The following DIP2A variants were observed in gnomAD, a reference collection of about 807,000 sequenced individuals.
The protein encoded by DIP2A is disco-interacting protein 2 homolog A.
DIP2A carries 85 observed loss-of-function variants against 177.4 expected under a neutral mutation model. The ratio of observed to expected loss-of-function variants is 0.48; its 90% CI spans 0.40 to 0.57. DIP2A has a LOEUF of 0.57. Among genes scored for constraint, DIP2A ranks in the 20% least tolerant of loss-of-function variants. The pLI, the probability that DIP2A is intolerant of heterozygous loss-of-function variation, is 0.00. For synonymous variants in DIP2A, 886 were observed against 881.8 expected, an observed-to-expected ratio of 1.00 and a Z score of -0.08; for missense variants, 1,791 against 2,100.2, an observed-to-expected ratio of 0.85 and a Z score of 2.88.
At chr21:46,502,302 AT>A (rs61344657) in intron 5 of DIP2A, among the ~76,000 whole-genome samples, 72,084 of 149,362 alleles carry the variant, frequency 0.48, 18,082 homozygotes, top group African/African-American at 0.64. Context: ...TGCCCAGCTA[AT>A]TTTTTTTTTT....
intron 5 of DIP2A, among the ~76,000 whole-genome samples, chr21:46,501,213 G>A (rs963399995): frequency 2.0e-5 from 3 of 152,128 alleles, no homozygotes; most frequent in African/African-American, 7.2e-5. Flanking sequence ...TAAAAAATTC[G>A]AGGTAGAACA....
chr21:46,568,924 C>G lies in DIP2A; in HGVS notation c.*1302C>G, dbSNP rs917153272. On this transcript the variant is annotated 3_prime_UTR_variant, in exon 38 of 38. Coordinates refer to ENST00000417564, the MANE Select transcript of DIP2A (RefSeq NM_015151.4). ...GCTTTTTGCATTTTGAGTTGTGTGC[C>G]TATAAAATTTGGCCAAACCATTTTA... is the stretch of plus-strand genomic sequence containing the variant. 1.3e-5 allele frequency: 2 copies of G among 152,096 alleles called. No individual in the cohort carries two copies. Among genetic ancestry groups the G allele is most frequent in the African/African-American group, 4.8e-5 (2 of 41,424 alleles). 9.4% of individuals were successfully genotyped at this position (152,096 alleles called of 1,614,324 possible).
At position 46,557,481 on chromosome 21, in the gene DIP2A, GC is replaced by G. The variant is rs1319810022; in HGVS notation, c.3630-100del. On this transcript the variant is annotated intron_variant, in intron 30 of 37. Coordinates refer to ENST00000417564, the MANE Select transcript of DIP2A (RefSeq NM_015151.4). This position sits in a 1 kb window ranked among gnomAD's most constrained non-coding sequence, Gnocchi z 6.0. ...CACTTGGCGTCAGAACAGAAATCAT[GC>G]CCCTGTTGTGGCTGGAAAAGAAGTG... The G allele has an allele frequency of 7.4e-7, 1 of 1,347,176 alleles. No homozygotes were observed. The highest frequency in any genetic ancestry group is 1.0e-6 in the Non-Finnish European group (1 of 1,000,680). The allele number at this position is 1,347,176 out of a possible 1,614,324, so 83.5% of individuals were successfully genotyped here. A position where few individuals can be genotyped will look rare whatever the true frequency, so the allele number is the denominator to read the frequency against.
intron 15 of DIP2A, among the ~76,000 whole-genome samples, chr21:46,538,236 G>A (rs1035534082): frequency 6.6e-6 from 1 of 152,164 alleles, no homozygotes; most frequent in African/African-American, 2.4e-5. Context: ...AAAAATTAAT[G>A]TTGGAAATGG....
rs374278601 is a variant in DIP2A at position 46,557,782 on chromosome 21, G to A, written c.3798+29G>A. ...AGTGCCCAGACCCGGGCTTCTGAGTGTGCTGCAGACCACAGCCCTGGGAAG... is the reference window on the plus strand; with the variant it reads ...AGTGCCCAGACCCGGGCTTCTGAGTATGCTGCAGACCACAGCCCTGGGAAG... On this transcript the variant is annotated intron_variant, in intron 31 of 37. Transcript: ENST00000417564. The surrounding 1 kb of genome is among the most constrained non-coding windows in gnomAD (Gnocchi z 6.0). 95 of 1,593,430 alleles carry A rather than the reference G, an allele frequency of 6.0e-5. No homozygotes were observed. Among genetic ancestry groups the A allele is most frequent in the East Asian group, 5.0e-4 (22 of 44,218 alleles).
intron 1 of DIP2A, among the ~76,000 whole-genome samples, chr21:46,469,498 G>C (rs112408869): frequency 1.3e-5 from 2 of 152,344 alleles, no homozygotes; most frequent in African/African-American, 4.8e-5. Flanking sequence ...AAGCTGGAGA[G>C]GCCTCACTGG....
At chr21:46,476,478 A>C (rs1404375549) in intron 1 of DIP2A, among the ~76,000 whole-genome samples, 1 of 152,124 alleles carries the variant, frequency 6.6e-6, no homozygotes, top group Non-Finnish European at 1.5e-5. Context: ...GCCCAGAAGC[A>C]CAGATAGAGA....
At chr21:46,505,622 A>G (rs1412390494) in intron 6 of DIP2A, among the ~76,000 whole-genome samples, 1 of 152,058 alleles carries the variant, frequency 6.6e-6, no homozygotes, top group Non-Finnish European at 1.5e-5. Context: ...AAGTTTTAAG[A>G]CATTTGTACA....
rs1189118077 is a variant in DIP2A at position 46,550,676 on chromosome 21, C to T, written c.2771C>T (p.Pro924Leu). 1.4e-5 allele frequency: 23 copies of T among 1,614,028 alleles called. No homozygotes were observed. The highest frequency in any genetic ancestry group is 4.5e-5 in the East Asian group (2 of 44,888). ...CGCTTTCTGGAAGGGACGCTGCACC[C>T]GTGTAATGTGCTGATGTGCCCTCAC... ...KQRFLEGTLHPCNVLMCPHTC... is the reference protein window; with the variant it reads ...KQRFLEGTLHLCNVLMCPHTC... Residue 924 changes from proline (P) to leucine (L), a missense_variant, in exon 23 of 38, where the codon CCG becomes CTG. Physicochemically the swap from Pro to Leu is moderately conservative, Grantham distance 98 (BLOSUM62 -3). Transcript: ENST00000417564.
At chr21:46,511,677 C>T in intron 8 of DIP2A, 63 bp downstream of exon 8, 1 of 1,400,738 alleles carries the variant, frequency 7.1e-7, no homozygotes, top group South Asian at 1.5e-5. Flanking sequence ...ACACATAACA[C>T]AGCATAGACA....
At chr21:46,505,664 T>G (rs572732528) in intron 6 of DIP2A, among the ~76,000 whole-genome samples, 2 of 152,328 alleles carry the variant, frequency 1.3e-5, no homozygotes, top group South Asian at 4.1e-4. Flanking sequence ...ATCAAGATAG[T>G]GACCATATCC....
At chr21:46,547,178 A>G in intron 21 of DIP2A, 136 bp downstream of exon 21, 1 of 1,438,280 alleles carries the variant, frequency 7.0e-7, no homozygotes, top group Non-Finnish European at 9.1e-7. Flanking sequence ...GAAAACTCCT[A>G]AAGTAAAAGG....
chr21:46,486,657 A>C (rs1429479842), intron 2 of DIP2A, among the ~76,000 whole-genome samples: 1 of 152,246 alleles, frequency 6.6e-6, no homozygotes, highest in Non-Finnish European at 1.5e-5. Flanking sequence ...TAATCAGAGC[A>C]ATGCACATTG....
rs780615603 is a variant in DIP2A, at chr21:46,554,229, G to A, written c.3091G>A (p.Ala1031Thr). Residue 1031 changes from alanine to threonine, a missense_variant, in exon 26 of 38, where the codon GCG (alanine) becomes ACG (threonine). Coordinates refer to ENST00000417564, the MANE Select transcript of DIP2A (RefSeq NM_015151.4). ...QLHKRAERVA[A>T]ALMEKGRLSV... Reference sequence around the variant, plus strand: ...GCACAAAAGGGCTGAGAGAGTGGCCGCGGCTCTGATGGAGAAGGGAAGACT... The same window carrying A: ...GCACAAAAGGGCTGAGAGAGTGGCCACGGCTCTGATGGAGAAGGGAAGACT... 11 of 1,613,838 alleles carry A rather than the reference G, an allele frequency of 6.8e-6. No individual in the cohort carries two copies. The highest frequency in any genetic ancestry group is 6.7e-5 in the Admixed American group (4 of 60,004).
At chr21:46,495,247 TCTCTC>T (rs2057281755) in intron 3 of DIP2A, among the ~76,000 whole-genome samples, 1 of 93,998 alleles carries the variant, frequency 1.1e-5, no homozygotes. Flanking sequence ...CTCTTCTTTC[TCTCTC>T]TCTCTCTCTC....
At chr21:46,530,362 A>G (rs1253619689) in intron 9 of DIP2A, among the ~76,000 whole-genome samples, 1 of 152,232 alleles carries the variant, frequency 6.6e-6, no homozygotes, top group East Asian at 1.9e-4. Flanking sequence ...GGAAATGTCA[A>G]TATGAGAGAA....
chr21:46,529,862 G>A (rs2059282286), intron 9 of DIP2A, among the ~76,000 whole-genome samples: 1 of 152,152 alleles, frequency 6.6e-6, no homozygotes, highest in African/African-American at 2.4e-5. Context: ...TATGTGTCCA[G>A]GTAACCTCCT....
At chr21:46,492,662 C>T (rs1052342062) in intron 3 of DIP2A, among the ~76,000 whole-genome samples, 2 of 152,164 alleles carry the variant, frequency 1.3e-5, no homozygotes, top group African/African-American at 4.8e-5. Flanking sequence ...GGATCGGTGC[C>T]CTTATAAGAA....
intron 13 of DIP2A, 67 bp downstream of exon 13, chr21:46,534,754 A>G: frequency 7.2e-7 from 1 of 1,392,292 alleles, no homozygotes; most frequent in Non-Finnish European, 9.9e-7. Context: ...GTACCTAATC[A>G]TGTGACTGTC....
Sources: gnomAD v4.1 joint callset for allele counts (sites outside exome capture counted in the v4.1 genomes callset) on GRCh38, gnomAD v4.1.1 for gene constraint, Gnocchi (gnomAD v3.1) non-coding constraint, MANE v1.5 for transcripts, NCBI Gene and HGNC (gene_info 2026-07-23, HGNC 2026-07-21) for gene names.